The following TDRD6 variants were observed in gnomAD, a reference collection of about 807,000 sequenced individuals.
The protein encoded by TDRD6 is tudor domain-containing protein 6.
TDRD6 carries 186 observed loss-of-function variants against 157.5 expected under a neutral mutation model. The ratio of observed to expected loss-of-function variants is 1.18; its 90% CI spans 1.05 to 1.33. The LOEUF (loss-of-function observed/expected upper bound fraction) is 1.33, where lower values mean the gene tolerates loss of function less well. TDRD6 is among the 40% of genes most tolerant of loss of function. The probability of loss-of-function intolerance (pLI) is 0.00; values close to 1 mark genes in which losing one functional copy is unlikely to be tolerated. For missense variants in TDRD6, 3,066 were observed against 2,508.0 expected, an observed-to-expected ratio of 1.22 and a Z score of -4.75; for synonymous variants, 1,075 against 945.2, an observed-to-expected ratio of 1.14 and a Z score of -2.52.
rs532284015 is a variant in TDRD6, at chr6:46,693,559, T to TA, written c.5432dup (p.Tyr1811Ter). 20 of 1,614,176 alleles carry TA rather than the reference T, an allele frequency of 1.2e-5. 1 individual carries two copies. In the South Asian group the frequency reaches 2.1e-4, roughly 17 times the overall value. The change falls in exon 1 of 4, where the codon TAC becomes TAAC. Residue 1811 changes from tyrosine (Y) to a stop codon, truncating the protein, a stop_gained and frameshift_variant. Coordinates refer to ENST00000316081, the MANE Select transcript of TDRD6 (RefSeq NM_001010870.3). LOFTEE classifies it high-confidence loss of function. ...LVDKAEFDDK[Y>*]LITGFNTLLP... ...TGACAAAGCAGAGTTTGATGATAAA[T>TA]ACCTGATTACAGGATTTAACACATT...
At position 46,688,568 on chromosome 6, in the gene TDRD6, C is replaced by G. The variant is rs558820588; in HGVS notation, c.440C>G (p.Pro147Arg). Reference protein sequence around the residue: ...AGCGAGSGEPPQHWPADAVDF... With the variant: ...AGCGAGSGEPRQHWPADAVDF... Reference sequence around the variant, plus strand: ...TGCGGCGCGGGCTCAGGCGAGCCGCCGCAGCACTGGCCCGCCGACGCCGTG... The same window carrying G: ...TGCGGCGCGGGCTCAGGCGAGCCGCGGCAGCACTGGCCCGCCGACGCCGTG... The change falls in exon 1 of 4, where the codon CCG becomes CGG. Residue 147 changes from proline to arginine, a missense_variant. Transcript: ENST00000316081. 41 of 1,592,878 alleles carry G rather than the reference C, an allele frequency of 2.6e-5. No individual in the cohort carries two copies. In the South Asian group the frequency reaches 4.0e-4, roughly 15 times the overall value.
upstream of TDRD6, among the ~76,000 whole-genome samples, chr6:46,683,506 CAA>C (rs1235337997): frequency 6.6e-6 from 1 of 151,830 alleles, no homozygotes; most frequent in Non-Finnish European, 1.5e-5. Flanking sequence ...ATCAAAATTA[CAA>C]ATTTTCTTCA....
the TDRD6 span, among the ~76,000 whole-genome samples, chr6:46,680,716 C>T: frequency 6.6e-6 from 1 of 152,154 alleles, no homozygotes; most frequent in Non-Finnish European, 1.5e-5. Context: ...CTCACTTTTA[C>T]CTTTCACTGC....
chr6:46,684,915 C>T (rs886858009), upstream of TDRD6, among the ~76,000 whole-genome samples: 1 of 151,912 alleles, frequency 6.6e-6, no homozygotes, highest in East Asian at 1.9e-4. Context: ...TTACCAGCAA[C>T]ATAAGTGATG....
upstream of TDRD6, among the ~76,000 whole-genome samples, chr6:46,684,122 G>T (rs1764029281): frequency 6.6e-6 from 1 of 151,928 alleles, no homozygotes; most frequent in Non-Finnish European, 1.5e-5. Flanking sequence ...TACTCTCATT[G>T]CCCCCTATAA....
intron 3 of TDRD6, among the ~76,000 whole-genome samples, chr6:46,699,924 T>C (rs1396012033): frequency 5.3e-5 from 8 of 152,338 alleles, no homozygotes; most frequent in African/African-American, 1.7e-4. Context: ...TGAGCCATAA[T>C]GTATTAAACC....
At position 46,689,202 on chromosome 6, in the gene TDRD6, C is replaced by T. The variant is rs138828519; in HGVS notation, c.1074C>T (p.Ser358=). Reference sequence around the variant, plus strand: ...GGAAGGAGTTAGTGAGTTGCAGCAGCCTTCGGTACTTGCTGCCTGAATATT... The same window carrying T: ...GGAAGGAGTTAGTGAGTTGCAGCAGTCTTCGGTACTTGCTGCCTGAATATT... The part of the protein sequence containing the change: ...YGRKELVSCS[S]LRYLLPEYFR... The change falls in exon 1 of 4, where the codon AGC becomes AGT. Residue 358 remains serine, a synonymous_variant. Coordinates refer to ENST00000316081, the MANE Select transcript of TDRD6 (RefSeq NM_001010870.3). The T allele has an allele frequency of 1.2e-6, 2 of 1,614,054 alleles. No homozygotes were observed. The highest frequency in any genetic ancestry group is 2.7e-5 in the African/African-American group (2 of 74,918).
In TDRD6 at chr6:46,693,768, A is replaced by G. The variant is rs1764416644; in HGVS notation, c.5640A>G (p.Gln1880=). 1.2e-6 allele frequency: 2 copies of G among 1,614,210 alleles called. No homozygotes were observed. Among genetic ancestry groups the G allele is most frequent in the African/African-American group, 2.7e-5 (2 of 75,064 alleles). ...SPVPPNVPLS[Q]ECVTKGAMEL... ...TGCCACCGAATGTGCCACTCTCCCA[A>G]GAGTGTGTCACAAAAGGCGCCATGG... The change falls in exon 1 of 4, where the codon CAA becomes CAG. Residue 1880 remains glutamine, a synonymous_variant. Transcript: ENST00000316081.
rs1370217776 is a variant in TDRD6 at position 46,702,123 on chromosome 6, G to A, written c.*236G>A. On this transcript the variant is annotated 3_prime_UTR_variant, in exon 4 of 4. Transcript: ENST00000316081. ...GGATCTTTCGTCTTTATTGTCTTAC[G>A]TTTCTAATTAGTTGGGAGGATTTAT... is the stretch of plus-strand genomic sequence containing the variant. 5 of 368,670 alleles carry A rather than the reference G, an allele frequency of 1.4e-5. No individual in the cohort carries two copies. The highest frequency in any genetic ancestry group is 2.4e-5 in the Non-Finnish European group (5 of 205,396). The allele number at this position is 368,670 out of a possible 1,614,324, so 22.8% of individuals were successfully genotyped here.
At position 46,691,892 on chromosome 6, in the gene TDRD6, CAGAAA is replaced by C; in HGVS notation, c.3770_3774del (p.Lys1257ArgfsTer6). 1 of 1,594,024 alleles carries C rather than the reference CAGAAA, an allele frequency of 6.3e-7. No individual in the cohort carries two copies. Among genetic ancestry groups the C allele is most frequent in the South Asian group, 1.1e-5 (1 of 87,082 alleles). On this transcript the variant is annotated frameshift_variant, in exon 1 of 4. Coordinates refer to ENST00000316081, the MANE Select transcript of TDRD6 (RefSeq NM_001010870.3). LOFTEE classifies it high-confidence loss of function. ...AATAGTCAAGTGTTTCCATTAACAA[CAGAAA>C]AGAAAGAAGAAATTTCTGCTGAGAC... is the stretch of plus-strand genomic sequence containing the variant.
At position 46,688,767 on chromosome 6, in the gene TDRD6, C is replaced by T. The variant is rs1204325256; in HGVS notation, c.639C>T (p.Leu213=). The part of the protein sequence containing the change: ...SLFRSLLERY[L]TAATASVGSG... ...TCCGTTCGCTGCTGGAGCGCTATCTCACAGCGGCCACTGCTAGCGTGGGCT... is the reference window on the plus strand; with the variant it reads ...TCCGTTCGCTGCTGGAGCGCTATCTTACAGCGGCCACTGCTAGCGTGGGCT... Residue 213 remains leucine (L), a synonymous_variant, in exon 1 of 4, where the codon CTC becomes CTT. Transcript: ENST00000316081. The T allele has an allele frequency of 6.2e-7, 1 of 1,606,474 alleles. No individual in the cohort carries two copies. The highest frequency in any genetic ancestry group is 8.5e-7 in the Non-Finnish European group (1 of 1,179,890).
In TDRD6 at chr6:46,702,183, A is replaced by G. The variant is rs1275372382; in HGVS notation, c.*296A>G. 1 of 249,292 alleles carries G rather than the reference A, an allele frequency of 4.0e-6. No individual in the cohort carries two copies. The highest frequency in any genetic ancestry group is 7.6e-6 in the Non-Finnish European group (1 of 131,782). 15.4% of individuals were successfully genotyped at this position (249,292 alleles called of 1,614,324 possible). On this transcript the variant is annotated 3_prime_UTR_variant, in exon 4 of 4. Transcript: ENST00000316081. Reference sequence around the variant, plus strand: ...CAGTTTACTAACACATTACATTTCAAAAACTATTTTGGTACCTTTCAAATA... The same window carrying G: ...CAGTTTACTAACACATTACATTTCAGAAACTATTTTGGTACCTTTCAAATA...
Position 46,691,091 on chromosome 6 carries a change from A to T in TDRD6, c.2963A>T (p.Glu988Val). ...STHDMKIGSE[E>V]LVYITHIDDP... ...CATGATATGAAAATTGGAAGTGAAG[A>T]ATTAGTTTATATAACGCATATTGAT... The change falls in exon 1 of 4, where the codon GAA (glutamate) becomes GTA (valine). Residue 988 changes from glutamate (E) to valine (V), a missense_variant. Physicochemically the swap from Glu to Val is moderately radical, Grantham distance 121. Coordinates refer to ENST00000316081, the MANE Select transcript of TDRD6 (RefSeq NM_001010870.3). 1 of 1,613,900 alleles carries T rather than the reference A, an allele frequency of 6.2e-7. No individual in the cohort carries two copies. The highest frequency in any genetic ancestry group is 1.1e-5 in the South Asian group (1 of 91,052).
chr6:46,681,493 A>G, the TDRD6 span: 1 of 468,864 alleles, frequency 2.1e-6, no homozygotes, highest in African/African-American at 2.0e-5. Context: ...GGAATACATT[A>G]CTTTCTTCTC....
Position 46,692,243 on chromosome 6 carries a change from CT to C in TDRD6, c.4116del (p.Val1373Ter), listed in dbSNP as rs1447103170. On this transcript the variant is annotated frameshift_variant, in exon 1 of 4. Coordinates refer to ENST00000316081, the MANE Select transcript of TDRD6 (RefSeq NM_001010870.3). LOFTEE classifies it high-confidence loss of function. ...VFPEDNLWYR[A>X]VIKEQQPNDL... ...CCAGAAGATAATTTATGGTATCGTG[CT>C]GTGATCAAGGAGCAACAACCCAATG... 3.1e-6 allele frequency: 5 copies of C among 1,613,972 alleles called. No individual in the cohort carries two copies. The highest frequency in any genetic ancestry group is 2.5e-6 in the Non-Finnish European group (3 of 1,179,950).
the TDRD6 span, among the ~76,000 whole-genome samples, chr6:46,682,795 C>T: frequency 4.0e-5 from 6 of 151,876 alleles, no homozygotes; most frequent in East Asian, 7.7e-4. Flanking sequence ...GATTTGTTCA[C>T]TGAAAAATAT....
In TDRD6 at chr6:46,701,508, T is replaced by G. The variant is rs758149129; in HGVS notation, c.6262-350T>G. On this transcript the variant is annotated intron_variant, in intron 3 of 3. Transcript: ENST00000316081. ...GAATTGAGGCACATTGAGAATAAAA[T>G]CAGCTAATGGTAGCTTTAATATCAT... Among the ~76,000 whole-genome samples, 987 of 152,238 alleles carry G rather than the reference T, an allele frequency of 6.5e-3. 10 individuals are homozygous for G. Among genetic ancestry groups the G allele is most frequent in the Non-Finnish European group, 8.4e-3 (574 of 67,978 alleles).
rs1196715480 is a variant in TDRD6, at chr6:46,704,274, A to G, written c.*2387A>G. ...TGTAAAAACAGTTTTTAACTTCGAC[A>G]CTGAAAAGGAATCATCTTTAAAATT... On this transcript the variant is annotated 3_prime_UTR_variant, in exon 4 of 4. Transcript: ENST00000316081. The G allele has an allele frequency of 3.2e-6, 1 of 316,682 alleles. No homozygotes were observed. The highest frequency in any genetic ancestry group is 2.1e-5 in the African/African-American group (1 of 46,992). 19.6% of individuals were successfully genotyped at this position (316,682 alleles called of 1,614,324 possible).
chr6:46,688,639 C>G lies in TDRD6; in HGVS notation c.511C>G (p.Leu171Val), dbSNP rs147470205. Residue 171 changes from leucine (L) to valine (V), a missense_variant, in exon 1 of 4, where the codon CTG becomes GTG. Transcript: ENST00000316081. ...GGGCAAGGAGGTGCACGGGTGCGTC[C>G]TGGACGTGCTGCTGCTCCATCGCCT... is the stretch of plus-strand genomic sequence containing the variant. ...LQGKEVHGCVLDVLLLHRLVL... is the reference protein window; with the variant it reads ...LQGKEVHGCVVDVLLLHRLVL... The G allele has an allele frequency of 6.3e-7, 1 of 1,599,162 alleles. No individual in the cohort carries two copies. The highest frequency in any genetic ancestry group is 8.5e-7 in the Non-Finnish European group (1 of 1,179,870).
Sources: allele counts gnomAD v4.1 joint callset (sites outside exome capture counted in the v4.1 genomes callset), GRCh38; gene constraint gnomAD v4.1.1; transcripts MANE v1.5; gene names NCBI Gene and HGNC (gene_info 2026-07-23, HGNC 2026-07-21).